The following NRXN1 variants were observed in gnomAD, a reference collection of about 807,000 sequenced individuals.
NRXN1 encodes the protein neurexin-1.
NRXN1 carries 39 observed loss-of-function variants against 150.9 expected under a neutral mutation model. The observed-to-expected ratio is 0.26, with a 90% CI of 0.20 to 0.34. NRXN1 has a LOEUF of 0.34. Among genes scored for constraint, NRXN1 ranks in the 10% least tolerant of loss-of-function variants. The pLI, the probability that NRXN1 is intolerant of heterozygous loss-of-function variation, is 1.00. For synonymous variants in NRXN1, 924 were observed against 757.0 expected, an observed-to-expected ratio of 1.22 and a Z score of -3.62; for missense variants, 1,815 against 1,949.9, an observed-to-expected ratio of 0.93 and a Z score of 1.30.
chr2:50,880,398 T>A (rs1292045901), intron 5 of NRXN1, among the ~76,000 whole-genome samples: 1 of 151,932 alleles, frequency 6.6e-6, no homozygotes, highest in African/African-American at 2.4e-5. Flanking sequence ...AATAAAGGTA[T>A]TTTGTAGAAT....
chr2:50,930,105 A>T (rs1365290187), intron 2 of NRXN1, among the ~76,000 whole-genome samples: 1 of 152,070 alleles, frequency 6.6e-6, no homozygotes, highest in Non-Finnish European at 1.5e-5. Context: ...TCCTTTTTCA[A>T]TCCCAGCTAA....
chr2:50,787,527 A>C (rs1705303385), intron 5 of NRXN1, among the ~76,000 whole-genome samples: 1 of 151,944 alleles, frequency 6.6e-6, no homozygotes, highest in Non-Finnish European at 1.5e-5. Context: ...ACACCATTGA[A>C]GCCTGGGCAA....
At chr2:50,194,658 G>A (rs182937663) in intron 18 of NRXN1, among the ~76,000 whole-genome samples, 4 of 152,200 alleles carry the variant, frequency 2.6e-5, no homozygotes, top group Admixed American at 2.6e-4. Context: ...TGCTGGATAA[G>A]TTACTTAAAC....
At chr2:50,201,212 G>C (rs1027405298) in intron 18 of NRXN1, among the ~76,000 whole-genome samples, 1 of 152,096 alleles carries the variant, frequency 6.6e-6, no homozygotes, top group African/African-American at 2.4e-5. Context: ...ATCTAATGAG[G>C]AGCATAAAAA....
chr2:50,021,357 C>T (rs1687538808), intron 21 of NRXN1, among the ~76,000 whole-genome samples: 1 of 152,108 alleles, frequency 6.6e-6, no homozygotes, highest in African/African-American at 2.4e-5. Flanking sequence ...CTATATATAG[C>T]TAGTATAGCA....
At chr2:50,598,689 CATATCTATATA>C in intron 8 of NRXN1, among the ~76,000 whole-genome samples, 1 of 144,346 alleles carries the variant, frequency 6.9e-6, no homozygotes, top group African/African-American at 2.6e-5. Flanking sequence ...TATGTATATA[CATATCTATATA>C]TATATACATA....
intron 2 of NRXN1, among the ~76,000 whole-genome samples, chr2:50,971,577 C>T (rs1033691291): frequency 1.3e-5 from 2 of 151,094 alleles, no homozygotes; most frequent in East Asian, 1.9e-4. Context: ...GAGCAAGACT[C>T]GATCTCAAAA....
intron 5 of NRXN1, among the ~76,000 whole-genome samples, chr2:50,894,236 T>G (rs562126133): frequency 3.7e-4 from 46 of 125,930 alleles, no homozygotes; most frequent in African/African-American, 1.4e-3. Flanking sequence ...ACTTAAAGTA[T>G]AATAATAATA....
intron 9 of NRXN1, among the ~76,000 whole-genome samples, chr2:50,542,732 T>A (rs1430364827): frequency 6.6e-6 from 1 of 152,162 alleles, no homozygotes; most frequent in East Asian, 1.9e-4. Context: ...GAAGTTTATA[T>A]TTTAGCCTAA....
chr2:50,679,045 T>C (rs1689963806), intron 5 of NRXN1, among the ~76,000 whole-genome samples: 1 of 152,022 alleles, frequency 6.6e-6, no homozygotes, highest in Non-Finnish European at 1.5e-5. Context: ...AGACCACAGA[T>C]TGGTAGCTCT....
At chr2:50,753,381 C>T (rs1700822435) in intron 5 of NRXN1, among the ~76,000 whole-genome samples, 1 of 151,744 alleles carries the variant, frequency 6.6e-6, no homozygotes, top group African/African-American at 2.4e-5. Flanking sequence ...TAGGAAGGCT[C>T]CTAGCAAAAA....
At chr2:50,586,158 C>A (rs1283182844) in intron 8 of NRXN1, among the ~76,000 whole-genome samples, 1 of 152,180 alleles carries the variant, frequency 6.6e-6, no homozygotes, top group Non-Finnish European at 1.5e-5. Context: ...AACCTACTTA[C>A]CCTCCAGGGT....
chr2:50,576,467 T>C (rs1176038765), intron 8 of NRXN1, among the ~76,000 whole-genome samples: 11 of 152,186 alleles, frequency 7.2e-5, no homozygotes. Context: ...TCTCTTCCTA[T>C]TAAATCATGT....
At chr2:50,794,701 T>C (rs1355538801) in intron 5 of NRXN1, among the ~76,000 whole-genome samples, 1 of 152,166 alleles carries the variant, frequency 6.6e-6, no homozygotes, top group Non-Finnish European at 1.5e-5. Context: ...GTATTTAAAG[T>C]ATGCATATTT....
intron 9 of NRXN1, among the ~76,000 whole-genome samples, chr2:50,541,269 C>T (rs769545795): frequency 5.9e-5 from 9 of 152,102 alleles, no homozygotes; most frequent in East Asian, 1.9e-4. Context: ...ACTGTCCTTG[C>T]TCAGGGTATC....
rs535958413 is a variant in NRXN1, at chr2:51,006,200, C to A, written c.772+21302G>T. Among the ~76,000 whole-genome samples the A allele has an allele frequency of 4.0e-5, 6 of 151,864 alleles. No homozygotes were observed. In the East Asian group the frequency reaches 5.9e-4, roughly 15 times the overall value. ...TTTCCAATTTCCTTTCCATTTAAGA[C>A]CTACCTATGCAGCCATAAAAAATGA... is the stretch of plus-strand genomic sequence containing the variant. On this transcript the variant is annotated intron_variant, in intron 2 of 22. Transcript: ENST00000401669.
intron 5 of NRXN1, among the ~76,000 whole-genome samples, chr2:50,832,419 C>T (rs67300886): frequency 1.7e-4 from 26 of 152,068 alleles, no homozygotes; most frequent in African/African-American, 6.0e-4. Context: ...TGGGAGTCCA[C>T]GGTGGGCCGA....
chr2:50,361,229 C>A (rs950664611), intron 17 of NRXN1, among the ~76,000 whole-genome samples: 17 of 151,956 alleles, frequency 1.1e-4, no homozygotes, highest in African/African-American at 4.1e-4. Context: ...CAAACAAATT[C>A]AAAAGCTAGC....
At chr2:50,767,079 C>A (rs756192948) in intron 5 of NRXN1, among the ~76,000 whole-genome samples, 3 of 151,904 alleles carry the variant, frequency 2.0e-5, no homozygotes, top group Non-Finnish European at 2.9e-5. Context: ...TACAAGGAGC[C>A]CCGTATGCTG....
Sources: gnomAD v4.1 joint callset for allele counts (sites outside exome capture counted in the v4.1 genomes callset) on GRCh38, gnomAD v4.1.1 for gene constraint, MANE v1.5 for transcripts, NCBI Gene and HGNC (gene_info 2026-07-23, HGNC 2026-07-21) for gene names.